The following CCDC30 variants were observed in gnomAD, a reference collection of about 807,000 sequenced individuals.
The protein encoded by CCDC30 is coiled-coil domain-containing protein 30.
Under a neutral mutation model 100.2 loss-of-function variants are expected in CCDC30, and 70 were observed. The observed-to-expected ratio is 0.70, with a 90% CI of 0.58 to 0.85. The LOEUF (loss-of-function observed/expected upper bound fraction) is 0.85. Among genes scored for constraint, CCDC30 ranks in the 40% least tolerant of loss-of-function variants. The pLI is 0.00. For missense variants in CCDC30, 652 were observed against 771.2 expected (o/e 0.85, Z 1.83); for synonymous variants, 233 against 269.5 (o/e 0.86, Z 1.33).
chr1:42,602,998 G>A (rs750509907), intron 10 of CCDC30, among the ~76,000 whole-genome samples: 3 of 152,158 alleles, frequency 2.0e-5, no homozygotes, highest in East Asian at 1.9e-4. Flanking sequence ...GTAACTCATC[G>A]CATCAACAAG....
Position 42,545,505 on chromosome 1 carries a change from TAA to T in CCDC30, c.457-20789_457-20788del, listed in dbSNP as rs761025537. 8.1e-6 allele frequency: 13 copies of T among 1,607,600 alleles called. No individual in the cohort carries two copies. The African/African-American group carries it at 1.7e-4, about 22-fold the overall frequency. The stretch of plus-strand genomic sequence containing the variant: ...ATTTAATTACAAGTGAAAATACCTG[TAA>T]AGATCCTGAATCTAATGAACCAATT... On this transcript the variant is annotated intron_variant, in intron 6 of 16. Transcript: ENST00000668663.
At chr1:42,520,767 G>A (rs139704890) in intron 6 of CCDC30, among the ~76,000 whole-genome samples, 59,189 of 144,268 alleles carry the variant, frequency 0.41, 12,327 homozygotes, top group East Asian at 0.61. Flanking sequence ...CAGCCTCCCG[G>A]GTAGCTGGGA....
chr1:42,653,880 C>T (rs1004707156), exon 17 of CCDC30: 5 of 1,614,078 alleles, frequency 3.1e-6, no homozygotes, highest in Non-Finnish European at 4.2e-6. Context: ...GAGATCAAGT[C>T]AAAAGAAGCA....
intron 9 of CCDC30, among the ~76,000 whole-genome samples, chr1:42,583,412 C>T (rs939846748): frequency 1.3e-5 from 2 of 152,078 alleles, no homozygotes; most frequent in East Asian, 3.8e-4. Context: ...ATTCTTCTAC[C>T]GAAAGGGGAC....
chr1:42,611,866 C>T (rs1646632197), intron 11 of CCDC30, among the ~76,000 whole-genome samples: 1 of 152,042 alleles, frequency 6.6e-6, no homozygotes, highest in Non-Finnish European at 1.5e-5. Context: ...TTTATAGAGA[C>T]AGGGGTCTCA....
chr1:42,551,897 G>A (rs922772478), intron 6 of CCDC30, among the ~76,000 whole-genome samples: 21 of 151,866 alleles, frequency 1.4e-4, no homozygotes, highest in Admixed American at 1.2e-3. Context: ...TGGGACCACA[G>A]GCACATAGGT....
chr1:42,648,298 T>C (rs778368537), intron 15 of CCDC30, among the ~76,000 whole-genome samples: 3 of 152,070 alleles, frequency 2.0e-5, no homozygotes, highest in Non-Finnish European at 4.4e-5. Context: ...AGACTTCAAA[T>C]AACCTGAAGA....
chr1:42,642,002 G>T (rs934256257), intron 12 of CCDC30, among the ~76,000 whole-genome samples: 1 of 152,168 alleles, frequency 6.6e-6, no homozygotes, highest in African/African-American at 2.4e-5. Flanking sequence ...AAGGTGGGCG[G>T]ATCACAAGGT....
intron 6 of CCDC30, among the ~76,000 whole-genome samples, chr1:42,528,097 C>T (rs927187962): frequency 1.3e-5 from 2 of 152,086 alleles, no homozygotes; most frequent in African/African-American, 4.8e-5. Context: ...AACTCCTGAC[C>T]TCAGGTGATC....
At chr1:42,580,608 A>T (rs1423680595) in intron 8 of CCDC30, among the ~76,000 whole-genome samples, 2 of 152,214 alleles carry the variant, frequency 1.3e-5, no homozygotes, top group Admixed American at 1.3e-4. Flanking sequence ...ATTTATCTTT[A>T]AAAAATGTGG....
chr1:42,575,392 G>A (rs763040545), intron 7 of CCDC30, among the ~76,000 whole-genome samples: 13 of 151,998 alleles, frequency 8.6e-5, no homozygotes, highest in South Asian at 4.2e-4. Context: ...GCTCACACCC[G>A]TAATCCCAGC....
upstream of CCDC30, among the ~76,000 whole-genome samples, chr1:42,461,228 T>C (rs1028532284): frequency 4.6e-5 from 7 of 152,182 alleles, no homozygotes; most frequent in African/African-American, 1.7e-4. Flanking sequence ...TGAGAAGATT[T>C]GACAGAAATT....
intron 10 of CCDC30, among the ~76,000 whole-genome samples, chr1:42,603,614 A>T (rs1177963968): frequency 6.6e-6 from 1 of 152,242 alleles, no homozygotes; most frequent in African/African-American, 2.4e-5. Flanking sequence ...AATCCAGAGC[A>T]CTGACAACAC....
chr1:42,456,443 A>C, the CCDC30 span: 1 of 1,016,990 alleles, frequency 9.8e-7, no homozygotes, highest in Non-Finnish European at 1.4e-6. Context: ...ATCGGGACCT[A>C]GTGTCAAAAG....
At chr1:42,519,199 G>T (rs1644598963) in intron 6 of CCDC30, among the ~76,000 whole-genome samples, 1 of 152,102 alleles carries the variant, frequency 6.6e-6, no homozygotes, top group African/African-American at 2.4e-5. Flanking sequence ...TATTGTTGAG[G>T]ATTTTTTCAT....
intron 6 of CCDC30, among the ~76,000 whole-genome samples, chr1:42,523,149 G>A (rs1036029115): frequency 1.3e-5 from 2 of 152,132 alleles, no homozygotes; most frequent in Non-Finnish European, 2.9e-5. Context: ...TTTTATAATA[G>A]CCGGTGTATT....
chr1:42,519,585 C>T (rs1246340472), intron 6 of CCDC30, among the ~76,000 whole-genome samples: 1 of 152,108 alleles, frequency 6.6e-6, no homozygotes, highest in African/African-American at 2.4e-5. Context: ...GAGTTTCTCT[C>T]TTGTTGTCCA....
chr1:42,469,591 A>T (rs1418478279), intron 1 of CCDC30, among the ~76,000 whole-genome samples: 1 of 152,144 alleles, frequency 6.6e-6, no homozygotes, highest in Non-Finnish European at 1.5e-5. Flanking sequence ...GAGATAAGGA[A>T]CATACAGAAA....
At chr1:42,459,648 G>A, upstream of CCDC30, 1 of 1,614,114 alleles carries the variant, frequency 6.2e-7, no homozygotes, top group Middle Eastern at 1.7e-4. Context: ...TTTGGTTAAA[G>A]ATTGGGCTCC....
Sources: gnomAD v4.1 joint callset for allele counts (sites outside exome capture counted in the v4.1 genomes callset) on GRCh38, gnomAD v4.1.1 for gene constraint, MANE v1.5 for transcripts, NCBI Gene and HGNC (gene_info 2026-07-23, HGNC 2026-07-21) for gene names.